The following GFPT2 variants were observed in gnomAD, a reference collection of about 807,000 sequenced individuals.
GFPT2 encodes the protein glutamine--fructose-6-phosphate transaminase 2.
GFPT2 carries 62 observed loss-of-function variants against 85.6 expected under a neutral mutation model. That is an observed-to-expected ratio of 0.72 (90% CI 0.59 to 0.90). The LOEUF is 0.90. Among genes scored for constraint, GFPT2 ranks in the 40% least tolerant of loss-of-function variants. The pLI, the probability that GFPT2 is intolerant of heterozygous loss-of-function variation, is 0.00. For synonymous variants in GFPT2, 368 were observed against 344.5 expected (o/e 1.07, Z -0.75); for missense variants, 788 against 893.4 (o/e 0.88, Z 1.50).
At position 180,338,572 on chromosome 5, in the gene GFPT2, G is replaced by A. The variant is rs1764449101; in HGVS notation, c.36C>T (p.Val12=). 6.2e-7 allele frequency: 1 copy of A among 1,609,496 alleles called. No individual in the cohort carries two copies. Among genetic ancestry groups the A allele is most frequent in the Non-Finnish European group, 8.5e-7 (1 of 1,175,798 alleles). ...CGAAGATCTCCTTCCTCGTCCGGGG[G>A]ACTCTGTAGTTCATGTAGGCAAAGA... ...CGIFAYMNYR[V]PRTRKEIFET... The change falls in exon 2 of 19, where the codon GTC becomes GTT. Residue 12 remains valine, a synonymous_variant. Transcript: ENST00000253778.
At chr5:180,310,927 C>T (rs73349647) in intron 15 of GFPT2, among the ~76,000 whole-genome samples, 9,643 of 151,668 alleles carry the variant, frequency 0.064, 928 homozygotes, top group African/African-American at 0.21. Flanking sequence ...TGCAGACACC[C>T]AGGACCTGTG....
chr5:180,302,771 T>C (rs929966827), intron 17 of GFPT2, among the ~76,000 whole-genome samples, 187 bp from the exon 18 acceptor site: 5 of 152,194 alleles, frequency 3.3e-5, no homozygotes, highest in Non-Finnish European at 5.9e-5. Flanking sequence ...CTGATGCTTT[T>C]TGGGGGTTTC....
chr5:180,326,121 G>C (rs1328811104), intron 7 of GFPT2, among the ~76,000 whole-genome samples: 3 of 152,112 alleles, frequency 2.0e-5, no homozygotes, highest in Non-Finnish European at 4.4e-5. Context: ...ATAAATTATA[G>C]CATGCAAATA....
intron 1 of GFPT2, among the ~76,000 whole-genome samples, chr5:180,345,912 G>A (rs1764598576): frequency 2.0e-5 from 3 of 152,112 alleles, no homozygotes; most frequent in Admixed American, 1.3e-4. Flanking sequence ...ATGGGAGCAC[G>A]GTGCCACCAG....
At chr5:180,342,967 A>G (rs1708211638) in intron 1 of GFPT2, among the ~76,000 whole-genome samples, 1 of 152,272 alleles carries the variant, frequency 6.6e-6, no homozygotes. Flanking sequence ...CCCTGTGGGG[A>G]CATGGTCAAA....
rs374554363 is a variant in GFPT2 at position 180,316,822 on chromosome 5, C to T, written c.1094G>A (p.Arg365Gln). 5 of 1,613,960 alleles carry T rather than the reference C, an allele frequency of 3.1e-6. No individual in the cohort carries two copies. The highest frequency in any genetic ancestry group is 2.7e-5 in the African/African-American group (2 of 74,904). ...GGLKDHLKEI[R>Q]RCRRLIVIGC... is the part of the protein sequence containing the mutation. The stretch of plus-strand genomic sequence containing the variant: ...AATCACGATGAGCCGTCGGCATCGT[C>T]GAATCTCCTTCAAGTGGTCCTTCAA... The change falls in exon 12 of 19, where the codon CGA (arginine) becomes CAA (glutamine). Residue 365 changes from arginine (R) to glutamine (Q), a missense_variant. Coordinates refer to ENST00000253778, the MANE Select transcript of GFPT2 (RefSeq NM_005110.4).
At chr5:180,304,718 C>T in intron 17 of GFPT2, 54 bp downstream of exon 17, 4 of 1,471,266 alleles carry the variant, frequency 2.7e-6, no homozygotes, top group Non-Finnish European at 2.8e-6. Context: ...GTGAGGTGGG[C>T]ATGCATGGGG....
intron 10 of GFPT2, among the ~76,000 whole-genome samples, chr5:180,317,618 G>C (rs377027791): frequency 1.6e-4 from 24 of 146,822 alleles, no homozygotes; most frequent in African/African-American, 5.8e-4. Flanking sequence ...AATTAGCCGG[G>C]CGTAGTGGCG....
At position 180,323,383 on chromosome 5, in the gene GFPT2, G is replaced by A. The variant is rs1001869676; in HGVS notation, c.794+805C>T. 6.6e-6 allele frequency among the ~76,000 whole-genome samples: 1 copy of A among 152,060 alleles called. No homozygotes were observed. The highest frequency in any genetic ancestry group is 6.5e-5 in the Admixed American group (1 of 15,274). On this transcript the variant is annotated intron_variant, in intron 9 of 18. Coordinates refer to ENST00000253778, the MANE Select transcript of GFPT2 (RefSeq NM_005110.4). The surrounding 1 kb of genome is among the most constrained non-coding windows in gnomAD (Gnocchi z 4.0). ...GGTGTCCTCCCTGCCTCACAGCACG[G>A]CCCTATTAGAGGCTGGTCGGGAAAG...
In GFPT2 at chr5:180,321,587, C is replaced by T. The variant is rs760035955; in HGVS notation, c.794+2601G>A. 1.3e-3 allele frequency among the ~76,000 whole-genome samples: 201 copies of T among 152,316 alleles called. 1 individual carries two copies. The highest frequency in any genetic ancestry group is 2.4e-3 in the Non-Finnish European group (164 of 68,028). On this transcript the variant is annotated intron_variant, in intron 9 of 18. Coordinates refer to ENST00000253778, the MANE Select transcript of GFPT2 (RefSeq NM_005110.4). ...TGGGATCCTGGTGAGGCTCTCATAC[C>T]GTGCCCCGCACACACTGGCCACCGT...
In GFPT2 at chr5:180,307,161, G is replaced by A. The variant is rs1382512296; in HGVS notation, c.1674+15C>T. 4.9e-6 allele frequency: 7 copies of A among 1,427,102 alleles called. No homozygotes were observed. The highest frequency in any genetic ancestry group is 6.6e-6 in the Non-Finnish European group (7 of 1,054,078). 88.4% of individuals were successfully genotyped at this position (1,427,102 alleles called of 1,614,324 possible). A position where few individuals can be genotyped will look rare whatever the true frequency, so the allele number is the denominator to read the frequency against. On this transcript the variant is annotated intron_variant, in intron 16 of 18. Coordinates refer to ENST00000253778, the MANE Select transcript of GFPT2 (RefSeq NM_005110.4). Reference sequence around the variant, plus strand: ...CTGTCCTCCGTGGGGGTGGGGGCTGGGGGTGGGGGCTCACCAGGGCTCCTT... The same window carrying A: ...CTGTCCTCCGTGGGGGTGGGGGCTGAGGGTGGGGGCTCACCAGGGCTCCTT...
rs200862251 is a variant in GFPT2 at position 180,335,937 on chromosome 5, G to A, written c.231C>T (p.Asp77=). 8.3e-6 allele frequency: 13 copies of A among 1,575,122 alleles called. No individual in the cohort carries two copies. Among genetic ancestry groups the A allele is most frequent in the Non-Finnish European group, 1.0e-5 (12 of 1,166,048 alleles). The part of the protein sequence containing the change: ...DEELYKQDSM[D]LKVEFETHFG... Reference sequence around the variant, plus strand: ...AGTGTGTCTCAAACTCCACTTTTAAGTCCATGCTGTCTTGTTCTAAATGAA... The same window carrying A: ...AGTGTGTCTCAAACTCCACTTTTAAATCCATGCTGTCTTGTTCTAAATGAA... The change falls in exon 4 of 19, where the codon GAC becomes GAT. Residue 77 remains aspartate, a synonymous_variant. Coordinates refer to ENST00000253778, the MANE Select transcript of GFPT2 (RefSeq NM_005110.4).
intron 1 of GFPT2, among the ~76,000 whole-genome samples, chr5:180,351,663 CGT>C (rs758032106): frequency 6.6e-6 from 1 of 152,166 alleles, no homozygotes; most frequent in Non-Finnish European, 1.5e-5. Flanking sequence ...GGAGACAACG[CGT>C]GTGTGTCCCT....
chr5:180,313,765 C>T lies in GFPT2; in HGVS notation c.1431+42G>A, dbSNP rs769106505. On this transcript the variant is annotated intron_variant, in intron 14 of 18. Transcript: ENST00000253778. ...GGGCGGCCTCTGGTGCACCTGCCTC[C>T]GCCAGGCTCTCCCTGGGACGGGCGC... 19 of 1,513,848 alleles carry T rather than the reference C, an allele frequency of 1.3e-5. No individual in the cohort carries two copies. The Middle Eastern group carries it at 6.8e-4, about 54-fold the overall frequency. The allele number at this position is 1,513,848 out of a possible 1,614,324, so 93.8% of individuals were successfully genotyped here.
At chr5:180,321,573 T>G (rs1468237424) in intron 9 of GFPT2, among the ~76,000 whole-genome samples, 1 of 152,218 alleles carries the variant, frequency 6.6e-6, no homozygotes, top group Non-Finnish European at 1.5e-5. Flanking sequence ...GGGATCCTGG[T>G]GAGGCTCTCA....
In GFPT2 at chr5:180,339,193, A is replaced by T. The variant is rs1258175813; in HGVS notation, c.8-593T>A. Among the ~76,000 whole-genome samples, 3 of 152,098 alleles carry T rather than the reference A, an allele frequency of 2.0e-5. No homozygotes were observed. In the East Asian group the frequency reaches 5.8e-4, roughly 29 times the overall value. The stretch of plus-strand genomic sequence containing the variant: ...TCAGGAGTTCGAGACCAGCCTGGCC[A>T]ACATGGTGAAACCCCATCTCTACTA... On this transcript the variant is annotated intron_variant, in intron 1 of 18. Coordinates refer to ENST00000253778, the MANE Select transcript of GFPT2 (RefSeq NM_005110.4).
chr5:180,338,565 T>A lies in GFPT2; in HGVS notation c.43A>T (p.Thr15Ser). The change falls in exon 2 of 19, where the codon ACG becomes TCG. Residue 15 changes from threonine (T) to serine (S), a missense_variant. Coordinates refer to ENST00000253778, the MANE Select transcript of GFPT2 (RefSeq NM_005110.4). Reference sequence around the variant, plus strand: ...AGGGTTTCGAAGATCTCCTTCCTCGTCCGGGGGACTCTGTAGTTCATGTAG... The same window carrying A: ...AGGGTTTCGAAGATCTCCTTCCTCGACCGGGGGACTCTGTAGTTCATGTAG... ...FAYMNYRVPR[T>S]RKEIFETLIK... The A allele has an allele frequency of 1.2e-6, 2 of 1,611,308 alleles. No individual in the cohort carries two copies. Among genetic ancestry groups the A allele is most frequent in the Non-Finnish European group, 1.7e-6 (2 of 1,177,440 alleles).
At chr5:180,319,477 C>T (rs927241732) in intron 9 of GFPT2, among the ~76,000 whole-genome samples, 4 of 152,160 alleles carry the variant, frequency 2.6e-5, no homozygotes, top group Non-Finnish European at 4.4e-5. Flanking sequence ...CAACCACATA[C>T]TTTATGAAGG....
In GFPT2 at chr5:180,323,945, GA is replaced by G. The variant is rs1561877968; in HGVS notation, c.794+242del. 6.6e-6 allele frequency among the ~76,000 whole-genome samples: 1 copy of G among 152,200 alleles called. No individual in the cohort carries two copies. Among genetic ancestry groups the G allele is most frequent in the African/African-American group, 2.4e-5 (1 of 41,452 alleles). Reference sequence around the variant, plus strand: ...TAACCCATTCATTTTGTGCAGGCTCGAAGCACTGTGCCCACCAGTGCATCTG... The same window carrying G: ...TAACCCATTCATTTTGTGCAGGCTCGAGCACTGTGCCCACCAGTGCATCTG... On this transcript the variant is annotated intron_variant, in intron 9 of 18. Coordinates refer to ENST00000253778, the MANE Select transcript of GFPT2 (RefSeq NM_005110.4). This position sits in a 1 kb window ranked among gnomAD's most constrained non-coding sequence, Gnocchi z 4.0.
Sources: allele counts gnomAD v4.1 joint callset (sites outside exome capture counted in the v4.1 genomes callset), GRCh38; gene constraint gnomAD v4.1.1; non-coding constraint Gnocchi (gnomAD v3.1); transcripts MANE v1.5; gene names NCBI Gene and HGNC (gene_info 2026-07-23, HGNC 2026-07-21).